Variants in MYO16 observed in about 807,000 individuals in gnomAD.
MYO16 encodes unconventional myosin-XVI.
Under a neutral mutation model 205.3 loss-of-function variants are expected in MYO16, and 94 were observed. The observed-to-expected ratio is 0.46, with a 90% CI of 0.39 to 0.54. The LOEUF (loss-of-function observed/expected upper bound fraction) is 0.54, where lower values mean the gene tolerates loss of function less well. MYO16 is among the 20% of genes least tolerant of loss of function. The probability of loss-of-function intolerance (pLI) is 0.00; values close to 1 mark genes in which losing one functional copy is unlikely to be tolerated. For missense variants in MYO16, 2,315 were observed against 2,387.5 expected (o/e 0.97, Z 0.63); for synonymous variants, 988 against 954.0 (o/e 1.04, Z -0.66).
At position 108,789,506 on chromosome 13, in the gene MYO16, C is replaced by T. The variant is rs183677855; in HGVS notation, c.616+3763C>T. ...GTTTATTTGAAATGCTGTCCCTGCA[C>T]CAGCCTCTTCAAAATCATACATAGT... is the stretch of plus-strand genomic sequence containing the variant. On this transcript the variant is annotated intron_variant, in intron 5 of 34. Transcript: ENST00000457511. 3.9e-5 allele frequency among the ~76,000 whole-genome samples: 6 copies of T among 152,224 alleles called. No individual in the cohort carries two copies. The East Asian group carries it at 1.2e-3, about 29-fold the overall frequency.
At chr13:109,164,460 AG>A (rs1878544056) in intron 32 of MYO16, among the ~76,000 whole-genome samples, 1 of 152,242 alleles carries the variant, frequency 6.6e-6, no homozygotes, top group Non-Finnish European at 1.5e-5. Flanking sequence ...GGACACTAAA[AG>A]TGTTTATAGT....
At chr13:108,497,651 T>C in the MYO16 span, among the ~76,000 whole-genome samples, 3 of 152,178 alleles carry the variant, frequency 2.0e-5, no homozygotes, top group Non-Finnish European at 4.4e-5. Context: ...GGAGGGGAAA[T>C]TTAATAAAGT....
At position 109,172,339 on chromosome 13, in the gene MYO16, A is replaced by G. The variant is rs186071578; in HGVS notation, c.5324-7203A>G. On this transcript the variant is annotated intron_variant, in intron 33 of 34. Coordinates refer to ENST00000457511, the MANE Select transcript of MYO16 (RefSeq NM_001198950.3). ...TTAAGCAACAGAAGTTACCTTTGCA[A>G]AGAAAGAAAACTCCTGGGGCATCGA... is the stretch of plus-strand genomic sequence containing the variant. 1.2e-3 allele frequency among the ~76,000 whole-genome samples: 189 copies of G among 152,346 alleles called. 1 individual carries two copies. The Middle Eastern group carries it at 0.031, about 25-fold the overall frequency.
rs918436739 is a variant in MYO16 at position 109,186,161 on chromosome 13, CA to C, written c.5415+6537del. ...AGCCTAAGCAACAGAGACCGTGTCT[CA>C]AAAAAAAATTAAATTAAAAAACAAC... On this transcript the variant is annotated intron_variant, in intron 34 of 34. Transcript: ENST00000457511. Among the ~76,000 whole-genome samples, 7 of 150,024 alleles carry C rather than the reference CA, an allele frequency of 4.7e-5. No individual in the cohort carries two copies. In the South Asian group the frequency reaches 6.4e-4, roughly 14 times the overall value.
At chr13:108,702,554 T>C (rs1427423946) in intron 2 of MYO16, among the ~76,000 whole-genome samples, 1 of 152,140 alleles carries the variant, frequency 6.6e-6, no homozygotes, top group Non-Finnish European at 1.5e-5. Context: ...AAAGGGAAAC[T>C]TTCAGGCTGA....
chr13:109,000,350 G>T (rs1302098081), intron 21 of MYO16, among the ~76,000 whole-genome samples: 1 of 152,132 alleles, frequency 6.6e-6, no homozygotes, highest in African/African-American at 2.4e-5. Context: ...AGAAAATTAA[G>T]AGTTAAAGTC....
chr13:108,961,380 G>A (rs1257759135), intron 17 of MYO16, among the ~76,000 whole-genome samples, 159 bp from the exon 18 acceptor site: 2 of 152,164 alleles, frequency 1.3e-5, no homozygotes, highest in African/African-American at 4.8e-5. Context: ...GTAGAGACTG[G>A]TAGTTTTCTT....
chr13:109,109,748 T>C (rs1889227880), intron 28 of MYO16, among the ~76,000 whole-genome samples: 3 of 152,230 alleles, frequency 2.0e-5, no homozygotes, highest in Admixed American at 2.0e-4. Context: ...TTTGGAGCTC[T>C]AGATGATGGA....
intron 23 of MYO16, among the ~76,000 whole-genome samples, chr13:109,024,006 ATAT>A (rs71755963): frequency 0.41 from 57,197 of 139,638 alleles, 11,830 homozygotes; most frequent in East Asian, 0.66. Context: ...ATATATAGAA[ATAT>A]TATATATACA....
At chr13:109,126,267 A>G (rs771556489) in intron 30 of MYO16, among the ~76,000 whole-genome samples, 24 of 152,322 alleles carry the variant, frequency 1.6e-4, no homozygotes, top group Non-Finnish European at 2.9e-4. Context: ...GTAATTAAAC[A>G]TTACAGGAAA....
At chr13:108,617,624 G>T (rs561765082) in intron 1 of MYO16, among the ~76,000 whole-genome samples, 5 of 152,218 alleles carry the variant, frequency 3.3e-5, no homozygotes, top group African/African-American at 9.6e-5. Context: ...TGATAGTACA[G>T]TCTCCATAAA....
At chr13:108,815,407 A>G (rs1452101063) in intron 7 of MYO16, among the ~76,000 whole-genome samples, 1 of 152,184 alleles carries the variant, frequency 6.6e-6, no homozygotes, top group Non-Finnish European at 1.5e-5. Context: ...CCTTAGAAGC[A>G]GAGCCTTGTT....
chr13:108,820,416 G>C lies in MYO16; in HGVS notation c.943+4G>C, dbSNP rs1183960354. On this transcript the variant is annotated splice_donor_region_variant and intron_variant, in intron 8 of 34. Transcript: ENST00000457511. ...TGTAATGAGGAGAAGGCGTCAGGTA[G>C]GTTAGGAGCATCCTTGGACCATTGA... The C allele has an allele frequency of 6.2e-7, 1 of 1,601,152 alleles. No homozygotes were observed. Among genetic ancestry groups the C allele is most frequent in the Admixed American group, 1.7e-5 (1 of 59,310 alleles).
intron 24 of MYO16, among the ~76,000 whole-genome samples, chr13:109,051,850 C>G (rs1887257289): frequency 6.6e-6 from 1 of 152,144 alleles, no homozygotes; most frequent in Non-Finnish European, 1.5e-5. Flanking sequence ...AAGGCAGGTC[C>G]TCTCACAGGT....
chr13:108,792,294 T>C (rs1360452348), intron 5 of MYO16, among the ~76,000 whole-genome samples: 1 of 152,180 alleles, frequency 6.6e-6, no homozygotes, highest in African/African-American at 2.4e-5. Flanking sequence ...GTTCAACTGA[T>C]GCATCATTTT....
chr13:108,998,804 C>T lies in MYO16; in HGVS notation c.2442+6356C>T, dbSNP rs186607163. Among the ~76,000 whole-genome samples the T allele has an allele frequency of 6.6e-5, 10 of 152,292 alleles. No individual in the cohort carries two copies. In the East Asian group the frequency reaches 1.4e-3, roughly 21 times the overall value. ...GTTCCTCTTTGCATGAGTCTCTCCA[C>T]GTTGGTCTCTCCATGTTGGTCTCTC... is the stretch of plus-strand genomic sequence containing the variant. On this transcript the variant is annotated intron_variant, in intron 21 of 34. Transcript: ENST00000457511.
At chr13:109,197,186 G>A (rs1488702948) in intron 34 of MYO16, among the ~76,000 whole-genome samples, 2 of 152,146 alleles carry the variant, frequency 1.3e-5, no homozygotes, top group African/African-American at 4.8e-5. Context: ...ACGAGCATGG[G>A]ACCACCCACA....
intron 12 of MYO16, among the ~76,000 whole-genome samples, chr13:108,868,917 CA>C (rs34882433): frequency 0.2 from 27,935 of 138,182 alleles, 3,024 homozygotes; most frequent in East Asian, 0.53. Context: ...GAGACTCTGT[CA>C]AAAAAAAAAA....
the MYO16 span, among the ~76,000 whole-genome samples, chr13:108,547,433 G>A: frequency 3.9e-4 from 60 of 152,206 alleles, no homozygotes; most frequent in African/African-American, 1.3e-3. Context: ...CTGGTGTCTC[G>A]AGTGTGAACA....
Sources: allele counts gnomAD v4.1 joint callset (sites outside exome capture counted in the v4.1 genomes callset), GRCh38; gene constraint gnomAD v4.1.1; transcripts MANE v1.5; gene names NCBI Gene and HGNC (gene_info 2026-07-23, HGNC 2026-07-21).